The following PCDHGA4 variants were observed in gnomAD, a reference collection of about 807,000 sequenced individuals.
PCDHGA4 encodes protocadherin gamma subfamily A, 4, also known as protocadherin gamma-A4.
Under a neutral mutation model 54.6 loss-of-function variants are expected in PCDHGA4, and 38 were observed. That is an observed-to-expected ratio of 0.70 (90% CI 0.54 to 0.91). The LOEUF is 0.91. Among genes scored for constraint, PCDHGA4 ranks in the 40% least tolerant of loss-of-function variants. The pLI, the probability that PCDHGA4 is intolerant of heterozygous loss-of-function variation, is 0.00. For missense variants in PCDHGA4, 1,298 were observed against 1,220.9 expected (o/e 1.06, Z -0.94); for synonymous variants, 511 against 512.9 (o/e 1.00, Z 0.05).
chr5:141,415,786 A>ATT, intron 1 of PCDHGA4: 2 of 1,374,914 alleles, frequency 1.5e-6, no homozygotes, highest in Non-Finnish European at 1.9e-6. Flanking sequence ...TTCTGGTAAA[A>ATT]TTCACCTAGT....
intron 1 of PCDHGA4, chr5:141,398,999 A>C: frequency 6.2e-7 from 1 of 1,613,964 alleles, no homozygotes; most frequent in East Asian, 2.2e-5. Context: ...TTTAGTCTGA[A>C]TTCAAAGAGC....
chr5:141,432,717 C>T lies in PCDHGA4; in HGVS notation c.2515-62090C>T. On this transcript the variant is annotated intron_variant, in intron 1 of 3. Transcript: ENST00000571252. The surrounding 1 kb of genome is among the most constrained non-coding windows in gnomAD (Gnocchi z 6.0). ...GCCGTCCAGGACCACGGCCAGCCCC[C>T]TCTCTCCGCCACTGTCACGCTCACC... 1 of 1,614,030 alleles carries T rather than the reference C, an allele frequency of 6.2e-7. No individual in the cohort carries two copies. Among genetic ancestry groups the T allele is most frequent in the Non-Finnish European group, 8.5e-7 (1 of 1,179,978 alleles).
rs61612330 is a variant in PCDHGA4 at position 141,454,796 on chromosome 5, A to ATTTTTTTTT, written c.2515-39990_2515-39982dup. Among the ~76,000 whole-genome samples the ATTTTTTTTT allele has an allele frequency of 8.2e-3, 638 of 77,468 alleles. 91 individuals carry two copies. The highest frequency in any genetic ancestry group is 0.025 in the African/African-American group (426 of 16,886). 50.8% of individuals were successfully genotyped at this position (77,468 alleles called of 152,430 possible). On this transcript the variant is annotated intron_variant, in intron 1 of 3. Coordinates refer to ENST00000571252, the MANE Select transcript of PCDHGA4 (RefSeq NM_018917.4). ...AAGGAAATAATCCTCCATGGTTCTA[A>ATTTTTTTTT]TTTTTTTTTTTTTTTTTTTTTTTTT...
intron 1 of PCDHGA4, chr5:141,399,725 A>G (rs2093873556): frequency 6.2e-7 from 1 of 1,613,192 alleles, no homozygotes; most frequent in Admixed American, 1.7e-5. Flanking sequence ...GCCCGCGACC[A>G]GGGCTCGCCT....
chr5:141,356,921 G>C lies in PCDHGA4; in HGVS notation c.1814G>C (p.Gly605Ala), dbSNP rs767463186. Residue 605 changes from glycine to alanine, a missense_variant, in exon 1 of 4, where the codon GGT becomes GCT. Physicochemically the swap from Gly to Ala is moderately conservative, Grantham distance 60. Transcript: ENST00000571252. ...ACCTTCCCTACTGATGGCTCCACTG[G>C]TGTGGAGCTGGCACCCCGCTCCGCA... ...YPTFPTDGST[G>A]VELAPRSADS... 3 of 1,613,860 alleles carry C rather than the reference G, an allele frequency of 1.9e-6. No homozygotes were observed. The highest frequency in any genetic ancestry group is 2.7e-5 in the African/African-American group (2 of 74,912).
At chr5:141,391,253 T>C (rs1157052865) in intron 1 of PCDHGA4, 1 of 152,146 alleles carries the variant, frequency 6.6e-6, no homozygotes, top group Non-Finnish European at 1.5e-5. Flanking sequence ...AAGCAACTGC[T>C]TCAGTTAATG....
chr5:141,389,322 G>C lies in PCDHGA4; in HGVS notation c.2514+31701G>C, dbSNP rs752301649. ...AGTCAGGGCTTCTGATCCGGACTTG[G>C]GGCCCAACGGCCAAGTCTCTTACTG... On this transcript the variant is annotated intron_variant, in intron 1 of 3. Transcript: ENST00000571252. 2 of 1,613,984 alleles carry C rather than the reference G, an allele frequency of 1.2e-6. No homozygotes were observed. Among genetic ancestry groups the C allele is most frequent in the East Asian group, 2.2e-5 (1 of 44,880 alleles).
rs187495695 is a variant in PCDHGA4, at chr5:141,486,508, T to G, written c.2515-8299T>G. The G allele has an allele frequency of 9.3e-6, 15 of 1,614,172 alleles. No homozygotes were observed. In the Admixed American group the frequency reaches 2.5e-4, roughly 27 times the overall value. The stretch of plus-strand genomic sequence containing the variant: ...CCCACAGAACTATTTTCCTCAATAT[T>G]TCAGATGTGAATGATAATCCACCCT... On this transcript the variant is annotated intron_variant, in intron 1 of 3. Coordinates refer to ENST00000571252, the MANE Select transcript of PCDHGA4 (RefSeq NM_018917.4). The surrounding 1 kb of genome is among the most constrained non-coding windows in gnomAD (Gnocchi z 5.0).
intron 1 of PCDHGA4, chr5:141,423,206 C>A: frequency 6.2e-7 from 1 of 1,613,668 alleles, no homozygotes. Context: ...GCCACCGTCA[C>A]GCTCACCGTG....
intron 1 of PCDHGA4, among the ~76,000 whole-genome samples, chr5:141,482,412 T>C (rs2099559037): frequency 6.6e-6 from 1 of 151,636 alleles, no homozygotes; most frequent in Non-Finnish European, 1.5e-5. Context: ...TAACTATTTG[T>C]TGAACTAAAA....
intron 1 of PCDHGA4, chr5:141,360,160 G>C (rs1368478719): frequency 2.5e-6 from 4 of 1,606,014 alleles, no homozygotes; most frequent in Non-Finnish European, 3.4e-6. Flanking sequence ...AGGGAGGTGC[G>C]GGCTGGTGCG....
At chr5:141,452,897 T>C (rs1447851469) in intron 1 of PCDHGA4, among the ~76,000 whole-genome samples, 1 of 152,230 alleles carries the variant, frequency 6.6e-6, no homozygotes, top group Non-Finnish European at 1.5e-5. Flanking sequence ...CCACTTTTAT[T>C]AGTTGGCATT....
intron 1 of PCDHGA4, chr5:141,409,246 C>A (rs771759898): frequency 1.2e-6 from 2 of 1,614,032 alleles, no homozygotes; most frequent in Admixed American, 3.3e-5. Context: ...CAGAAATAAT[C>A]ATCACTTCTC....
chr5:141,428,495 T>C (rs1023405537), intron 1 of PCDHGA4: 3 of 295,346 alleles, frequency 1.0e-5, no homozygotes, highest in African/African-American at 6.5e-5. Flanking sequence ...AATCTGTATG[T>C]TCCCTCGGAT....
intron 1 of PCDHGA4, chr5:141,414,753 T>A: frequency 6.2e-7 from 1 of 1,614,202 alleles, no homozygotes; most frequent in Non-Finnish European, 8.5e-7. Flanking sequence ...CCTTCGACTA[T>A]GAGCAGTTTC....
At chr5:141,388,632 A>C in intron 1 of PCDHGA4, 1 of 1,613,958 alleles carries the variant, frequency 6.2e-7, no homozygotes, top group Non-Finnish European at 8.5e-7. Context: ...ATACAGGGTG[A>C]GCCTTTCAGA....
chr5:141,475,343 G>C (rs1425482944), intron 1 of PCDHGA4, among the ~76,000 whole-genome samples: 3 of 152,178 alleles, frequency 2.0e-5, no homozygotes, highest in Non-Finnish European at 2.9e-5. Context: ...ATGACATCCA[G>C]TTTTAAAAGA....
intron 1 of PCDHGA4, chr5:141,419,707 C>G (rs781629810): frequency 6.2e-7 from 1 of 1,613,180 alleles, no homozygotes. Flanking sequence ...AGCCCGGGCT[C>G]TTCAGCCTGG....
chr5:141,364,754 G>A (rs940260607), intron 1 of PCDHGA4: 5 of 1,613,870 alleles, frequency 3.1e-6, no homozygotes, highest in Non-Finnish European at 4.2e-6. Context: ...AAAAGTAAAA[G>A]TTAATGAAAA....
Sources: allele counts gnomAD v4.1 joint callset (sites outside exome capture counted in the v4.1 genomes callset), GRCh38; gene constraint gnomAD v4.1.1; non-coding constraint Gnocchi (gnomAD v3.1); transcripts MANE v1.5; gene names NCBI Gene and HGNC (gene_info 2026-07-23, HGNC 2026-07-21).